The following NRBP1 variants were observed in gnomAD, a reference collection of about 807,000 sequenced individuals.
The protein encoded by NRBP1 is nuclear receptor binding protein 1.
NRBP1 carries 10 observed loss-of-function variants against 76.0 expected under a neutral mutation model. The ratio of observed to expected loss-of-function variants is 0.13; its 90% confidence interval spans 0.08 to 0.22. The LOEUF (loss-of-function observed/expected upper bound fraction) is 0.22, where lower values mean the gene tolerates loss of function less well. NRBP1 is among the 10% of genes least tolerant of loss of function. The pLI, the probability that NRBP1 is intolerant of heterozygous loss-of-function variation, is 1.00. For missense variants in NRBP1, 344 were observed against 646.0 expected, an observed-to-expected ratio of 0.53 and a Z score of 5.07; for synonymous variants, 235 against 240.2, an observed-to-expected ratio of 0.98 and a Z score of 0.20.
intron 10 of NRBP1, 136 bp from the exon 11 acceptor site, chr2:27,439,630 C>CTTTTTTTTTTTTTTTTTTGAGACGG (rs1558338904): frequency 1.1e-6 from 1 of 881,192 alleles, no homozygotes; most frequent in African/African-American, 1.7e-5. Flanking sequence ...GTGCATTTTT[C>CTTTTTTTTTTTTTTTTTTGAGACGG]AATATATTGT....
chr2:27,435,491 G>A, intron 7 of NRBP1: 2 of 610,638 alleles, frequency 3.3e-6, no homozygotes, highest in African/African-American at 1.8e-5. Flanking sequence ...GCAAGAGATA[G>A]GTTTGAGGTT....
Position 27,434,107 on chromosome 2 carries a change from C to A in NRBP1, c.435+17C>A, listed in dbSNP as rs770495326. The A allele has an allele frequency of 1.2e-5, 19 of 1,579,054 alleles. No individual in the cohort carries two copies. The highest frequency in any genetic ancestry group is 1.6e-5 in the Non-Finnish European group (18 of 1,149,566). On this transcript the variant is annotated intron_variant, in intron 4 of 17. Transcript: ENST00000379852. The stretch of plus-strand genomic sequence containing the variant: ...AAGGCCAGGGTAAGAATTTTTTCCC[C>A]ATATTTCCTGAACTTATTGCAAAGA...
chr2:27,431,993 T>G (rs1664132779), intron 1 of NRBP1: 1 of 152,170 alleles, frequency 6.6e-6, no homozygotes, highest in African/African-American at 2.4e-5. Flanking sequence ...GGACTACAGG[T>G]GCGTGCCACC....
In NRBP1 at chr2:27,441,691, G is replaced by A; in HGVS notation, c.1504-17G>A. ...CTCTTCTCTCAGCCCCCATCTTACT[G>A]AGCTCTTCTCCCCCAGGCTGACCAG... On this transcript the variant is annotated splice_polypyrimidine_tract_variant and intron_variant, in intron 17 of 17. Transcript: ENST00000379852. 1 of 1,611,782 alleles carries A rather than the reference G, an allele frequency of 6.2e-7. No individual in the cohort carries two copies.
chr2:27,441,189 C>T lies in NRBP1; in HGVS notation c.1383+9C>T, dbSNP rs746380700. 2 of 1,614,022 alleles carry T rather than the reference C, an allele frequency of 1.2e-6. No homozygotes were observed. Among genetic ancestry groups the T allele is most frequent in the Non-Finnish European group, 1.7e-6 (2 of 1,179,988 alleles). On this transcript the variant is annotated intron_variant, in intron 15 of 17. Transcript: ENST00000379852. Reference sequence around the variant, plus strand: ...AGGGAGTCAAACACCACGTAAGGCTCAGGGCTAGGGTTGCGCAGGGCTAGT... The same window carrying T: ...AGGGAGTCAAACACCACGTAAGGCTTAGGGCTAGGGTTGCGCAGGGCTAGT...
chr2:27,437,234 C>CTT, intron 9 of NRBP1, 28 bp from the exon 10 acceptor site: 13 of 1,333,824 alleles, frequency 9.7e-6, no homozygotes, highest in South Asian at 1.4e-5. Context: ...TAGGTGTCTA[C>CTT]TTTTTTTTTT....
chr2:27,429,286 G>T (rs780100), intron 1 of NRBP1: 69,991 of 152,336 alleles, frequency 0.46, 17,549 homozygotes, highest in African/African-American at 0.66. Flanking sequence ...TGAAATTCTA[G>T]GGGCCGGGTT....
chr2:27,433,922 G>A, intron 3 of NRBP1, 67 bp from the exon 4 acceptor site: 1 of 1,593,094 alleles, frequency 6.3e-7, no homozygotes, highest in Non-Finnish European at 8.6e-7. Context: ...GAGGGATAGG[G>A]AATGGCTTCT....
At chr2:27,436,871 C>A in intron 8 of NRBP1, 35 bp downstream of exon 8, 1 of 1,589,744 alleles carries the variant, frequency 6.3e-7, no homozygotes, top group Non-Finnish European at 8.6e-7. Context: ...CTGTCCTCAT[C>A]CCCCTGCTTT....
chr2:27,431,094 A>G (rs1163918887), intron 1 of NRBP1, among the ~76,000 whole-genome samples: 1 of 152,130 alleles, frequency 6.6e-6, no homozygotes. Flanking sequence ...AAGTCAGGAG[A>G]TTGAAACCAT....
rs1034318013 is a variant in NRBP1 at position 27,436,907 on chromosome 2, G to A, written c.745+71G>A. 6 of 1,485,102 alleles carry A rather than the reference G, an allele frequency of 4.0e-6. No individual in the cohort carries two copies. The East Asian group carries it at 6.8e-5, about 17-fold the overall frequency. 92.0% of individuals were successfully genotyped at this position (1,485,102 alleles called of 1,614,324 possible). On this transcript the variant is annotated intron_variant, in intron 8 of 17. Transcript: ENST00000379852. ...TGCACCTTATAACTTGAGGTACAGA[G>A]GCAATATAACTGAAACTTCTAGGCC...
At chr2:27,428,303 T>C, upstream of NRBP1, 1 of 198,326 alleles carries the variant, frequency 5.0e-6, no homozygotes, top group Non-Finnish European at 1.0e-5. Context: ...CTTTCGCTCC[T>C]TTTGTCTTTT....
At chr2:27,440,986 G>T (rs751228438) in intron 14 of NRBP1, 46 bp downstream of exon 14, 24 of 1,611,778 alleles carry the variant, frequency 1.5e-5, no homozygotes, top group Non-Finnish European at 2.0e-5. Flanking sequence ...TGTGGTGGAA[G>T]GGAGAGAGGA....
At chr2:27,429,200 CT>C (rs1664005514) in intron 1 of NRBP1, 1 of 152,410 alleles carries the variant, frequency 6.6e-6, no homozygotes, top group Non-Finnish European at 1.5e-5. Flanking sequence ...CCGCCGCTGG[CT>C]CCCTGGGCCC....
chr2:27,428,991 C>T (rs1286416360), intron 1 of NRBP1, among the ~76,000 whole-genome samples: 1 of 151,544 alleles, frequency 6.6e-6, no homozygotes, highest in Non-Finnish European at 1.5e-5. Flanking sequence ...GTCGGGAGGC[C>T]CTGGCGTTCG....
chr2:27,441,823 G>C lies in NRBP1; in HGVS notation c.*11G>C. The C allele has an allele frequency of 6.4e-7, 1 of 1,572,094 alleles. No individual in the cohort carries two copies. The highest frequency in any genetic ancestry group is 1.7e-4 in the Middle Eastern group (1 of 5,952). On this transcript the variant is annotated 3_prime_UTR_variant, in exon 18 of 18. Transcript: ENST00000379852. ...ACCGTCTCCTCTTAGAGCTCACTCG[G>C]GCCAGGCCCTGATCTGCGCTGTGGC...
chr2:27,441,498 G>GGGGCCCTTCAGACAGCCCCACTA, intron 16 of NRBP1, 69 bp from the exon 17 acceptor site: 1 of 1,539,744 alleles, frequency 6.5e-7, no homozygotes, highest in Non-Finnish European at 9.0e-7. Flanking sequence ...TAGCCCTAGT[G>GGGGCCCTTCAGACAGCCCCACTA]GGGCTGTCTG....
chr2:27,439,790 T>C lies in NRBP1; in HGVS notation c.928T>C (p.Ser310Pro). 6.2e-7 allele frequency: 1 copy of C among 1,614,104 alleles called. No homozygotes were observed. Among genetic ancestry groups the C allele is most frequent in the Non-Finnish European group, 8.5e-7 (1 of 1,179,992 alleles). The change falls in exon 11 of 18, where the codon TCT (serine) becomes CCT (proline). Residue 310 changes from serine to proline, a missense_variant. By Grantham distance (74) the Ser-to-Pro change is moderately conservative. Coordinates refer to ENST00000379852, the MANE Select transcript of NRBP1 (RefSeq NM_013392.4). ...QREFIQKCLQ[S>P]EPARRPTARE... Reference sequence around the variant, plus strand: ...GGAGTTCATTCAAAAGTGCCTGCAGTCTGAGCCTGCTCGCAGACCAACAGC... The same window carrying C: ...GGAGTTCATTCAAAAGTGCCTGCAGCCTGAGCCTGCTCGCAGACCAACAGC...
At chr2:27,429,157 A>T (rs1333941599) in intron 1 of NRBP1, 1 of 152,914 alleles carries the variant, frequency 6.5e-6, no homozygotes, top group East Asian at 1.9e-4. Flanking sequence ...TGCGCCCCTG[A>T]CTGCGCTGTC....
Sources: allele counts gnomAD v4.1 joint callset (sites outside exome capture counted in the v4.1 genomes callset), GRCh38; gene constraint gnomAD v4.1.1; transcripts MANE v1.5; gene names NCBI Gene and HGNC (gene_info 2026-07-23, HGNC 2026-07-21).